The following REV3L variants were observed in gnomAD, a reference collection of about 807,000 sequenced individuals.
REV3L encodes DNA polymerase zeta catalytic subunit.
In REV3L, 69 loss-of-function variants were observed where a neutral mutation model predicts 299.4. The observed-to-expected ratio is 0.23, with a 90% confidence interval of 0.19 to 0.28. The LOEUF is 0.28. Among genes scored for constraint, REV3L ranks in the 10% least tolerant of loss-of-function variants. The pLI, the probability that REV3L is intolerant of heterozygous loss-of-function variation, is 1.00. For synonymous variants in REV3L, 1,238 were observed against 1,271.4 expected (o/e 0.97, Z 0.56); for missense variants, 3,128 against 3,693.8 (o/e 0.85, Z 3.97).
In REV3L at chr6:111,367,915, G is replaced by A. The variant is rs1399281659; in HGVS notation, c.5873C>T (p.Ala1958Val). ...GLRLWKTAFS[A>V]MTQNPRPGSP... Reference sequence around the variant, plus strand: ...CCCTGGCCTTGGATTCTGAGTCATTGCTGAGAATGCTGTTTTCCAAAGACG... The same window carrying A: ...CCCTGGCCTTGGATTCTGAGTCATTACTGAGAATGCTGTTTTCCAAAGACG... Residue 1958 changes from alanine (A) to valine (V), a missense_variant, in exon 14 of 32, where the codon GCA becomes GTA. Coordinates refer to ENST00000368802, the MANE Select transcript of REV3L (RefSeq NM_001372078.1). 4 of 1,613,974 alleles carry A rather than the reference G, an allele frequency of 2.5e-6. No homozygotes were observed. Among genetic ancestry groups the A allele is most frequent in the Non-Finnish European group, 3.4e-6 (4 of 1,180,014 alleles).
chr6:111,399,903 C>A (rs143179480), intron 4 of REV3L, among the ~76,000 whole-genome samples: 8 of 152,318 alleles, frequency 5.3e-5, no homozygotes, highest in Non-Finnish European at 1.2e-4. Flanking sequence ...TTCCCCTGTA[C>A]ATCCCCTTTG....
At chr6:111,431,197 A>G (rs1405420646) in intron 1 of REV3L, 2 of 1,566,558 alleles carry the variant, frequency 1.3e-6, no homozygotes, top group Non-Finnish European at 1.8e-6. Flanking sequence ...TCCATCTGTG[A>G]TGGCAGATAG....
intron 1 of REV3L, among the ~76,000 whole-genome samples, chr6:111,469,557 TG>T (rs1010756260): frequency 9.9e-5 from 15 of 152,194 alleles, no homozygotes; most frequent in African/African-American, 3.6e-4. Flanking sequence ...GAATTGGCCA[TG>T]TTGATCTGCT....
In REV3L at chr6:111,373,596, T is replaced by C. The variant is rs201728894; in HGVS notation, c.4759A>G (p.Arg1587Gly). 2 of 1,614,166 alleles carry C rather than the reference T, an allele frequency of 1.2e-6. No individual in the cohort carries two copies. The highest frequency in any genetic ancestry group is 2.2e-5 in the East Asian group (1 of 44,870). Residue 1587 changes from arginine to glycine, a missense_variant, in exon 13 of 32, where the codon AGA becomes GGA. Physicochemically the swap from Arg to Gly is moderately radical, Grantham distance 125 (BLOSUM62 -2). This residue lies in a region of REV3L where 2,409 missense variants were observed against 2,611.8 expected (regional missense o/e 0.92). Coordinates refer to ENST00000368802, the MANE Select transcript of REV3L (RefSeq NM_001372078.1). ...ATTTTTTCTTTTTGTTTTGTACTTCTGGGAGTTCGAGGTTTTCTTGGGGAC... is the reference window on the plus strand; with the variant it reads ...ATTTTTTCTTTTTGTTTTGTACTTCCGGGAGTTCGAGGTTTTCTTGGGGAC... The part of the protein sequence containing the change: ...VTSPRKPRTP[R>G]STKQKEKIPK...
chr6:111,407,313 C>A (rs749356110), intron 3 of REV3L, among the ~76,000 whole-genome samples: 3 of 151,858 alleles, frequency 2.0e-5, no homozygotes, highest in Non-Finnish European at 4.4e-5. Flanking sequence ...CCAAACAAAC[C>A]CATGGGAGTA....
intron 1 of REV3L, among the ~76,000 whole-genome samples, chr6:111,443,410 T>G (rs1355756871): frequency 6.6e-5 from 10 of 152,202 alleles, no homozygotes; most frequent in Admixed American, 3.9e-4. Flanking sequence ...CCATATCTAG[T>G]AATTTTTAAA....
chr6:111,312,897 T>TA (rs1394179666), intron 28 of REV3L: 2 of 152,566 alleles, frequency 1.3e-5, no homozygotes, highest in African/African-American at 4.8e-5. Flanking sequence ...CAGGAGTTGT[T>TA]ACACTATGAC....
At chr6:111,365,178 T>C (rs1186017626) in intron 15 of REV3L, 87 bp downstream of exon 15, 2 of 877,744 alleles carry the variant, frequency 2.3e-6, no homozygotes, top group Non-Finnish European at 3.3e-6. Context: ...AATTTTTTAA[T>C]TGAGACAAAG....
chr6:111,427,925 A>T (rs1032505770), intron 1 of REV3L, among the ~76,000 whole-genome samples: 2 of 152,092 alleles, frequency 1.3e-5, no homozygotes, highest in Non-Finnish European at 2.9e-5. Context: ...CAGCAGCACC[A>T]CACTGTTAAG....
At position 111,476,716 on chromosome 6, in the gene REV3L, T is replaced by A. The variant is rs183480399; in HGVS notation, c.139+6034A>T. Among the ~76,000 whole-genome samples, 351 of 152,318 alleles carry A rather than the reference T, an allele frequency of 2.3e-3. 2 individuals are homozygous for A. Among genetic ancestry groups the A allele is most frequent in the African/African-American group, 8.2e-3 (340 of 41,576 alleles). Reference sequence around the variant, plus strand: ...AAATTAAAACCACTTTACATACAAGTAAGAATAATACAACCAGAAATTACT... The same window carrying A: ...AAATTAAAACCACTTTACATACAAGAAAGAATAATACAACCAGAAATTACT... On this transcript the variant is annotated intron_variant, in intron 1 of 31. Coordinates refer to ENST00000368802, the MANE Select transcript of REV3L (RefSeq NM_001372078.1).
intron 22 of REV3L, 101 bp downstream of exon 22, chr6:111,335,368 G>T: frequency 1.6e-6 from 2 of 1,272,542 alleles, no homozygotes; most frequent in Non-Finnish European, 2.1e-6. Flanking sequence ...TTGATTAGTT[G>T]GTACCAAACA....
chr6:111,299,448 GCA>G lies in REV3L; in HGVS notation c.*566_*567del, dbSNP rs1771236800. 6.6e-6 allele frequency: 1 copy of G among 152,542 alleles called. No individual in the cohort carries two copies. Among genetic ancestry groups the G allele is most frequent in the East Asian group, 1.9e-4 (1 of 5,204 alleles). The allele number at this position is 152,542 out of a possible 1,614,324, so 9.4% of individuals were successfully genotyped here. ...AATGCTACACGTGGTACTACTGTTTGCACAGTTTGATCAAAATAACGATCTAC... is the reference window on the plus strand; with the variant it reads ...AATGCTACACGTGGTACTACTGTTTGCAGTTTGATCAAAATAACGATCTAC... On this transcript the variant is annotated 3_prime_UTR_variant, in exon 32 of 32. Transcript: ENST00000368802.
chr6:111,448,764 G>A (rs1022264420), intron 1 of REV3L, among the ~76,000 whole-genome samples: 13 of 150,094 alleles, frequency 8.7e-5, no homozygotes, highest in African/African-American at 2.9e-4. Context: ...GGGACTACAG[G>A]AGCACACCAC....
At chr6:111,340,913 T>C (rs1395866086) in intron 21 of REV3L, among the ~76,000 whole-genome samples, 1 of 151,948 alleles carries the variant, frequency 6.6e-6, no homozygotes, top group Non-Finnish European at 1.5e-5. Context: ...TCCTAGATAA[T>C]ACCTAATTAA....
intron 11 of REV3L, 87 bp from the exon 12 acceptor site, chr6:111,377,930 A>G (rs1780474741): frequency 9.6e-7 from 1 of 1,046,426 alleles, no homozygotes; most frequent in South Asian, 1.8e-5. Flanking sequence ...TAACTCTATA[A>G]TAATGTATCT....
chr6:111,367,389 G>A lies in REV3L; in HGVS notation c.6399C>T (p.Ser2133=), dbSNP rs780254089. 5.0e-6 allele frequency: 8 copies of A among 1,610,496 alleles called. No individual in the cohort carries two copies. The highest frequency in any genetic ancestry group is 6.8e-6 in the Non-Finnish European group (8 of 1,178,586). The change falls in exon 14 of 32, where the codon TCC becomes TCT. Residue 2133 remains serine, a synonymous_variant. Transcript: ENST00000368802. ...PVIPPWQQPI[S]PDSKALNGDD... is the part of the protein sequence containing the mutation. The stretch of plus-strand genomic sequence containing the variant: ...CTCCATTTAATGCTTTGGAATCTGG[G>A]GATATTGGTTGTTGCCAAGGGGGAA...
At chr6:111,440,230 C>T (rs577604919) in intron 1 of REV3L, among the ~76,000 whole-genome samples, 277 of 152,158 alleles carry the variant, frequency 1.8e-3, no homozygotes, top group African/African-American at 5.7e-3. Flanking sequence ...CCACCATGCC[C>T]GGCTAATTTT....
chr6:111,375,887 G>A lies in REV3L; in HGVS notation c.2468C>T (p.Pro823Leu), dbSNP rs138947798. ...KLSPVTYKLQ[P>L]GNKPSRLKLN... ...TTTTAACCGGGATGGTTTATTGCCA[G>A]GTTGTAATTTATATGTGACAGGAGA... Residue 823 changes from proline to leucine, a missense_variant, in exon 13 of 32, where the codon CCT becomes CTT. Transcript: ENST00000368802. The A allele has an allele frequency of 1.2e-4, 186 of 1,613,962 alleles. 1 individual carries two copies. In the African/African-American group the frequency reaches 2.1e-3, roughly 18 times the overall value.
intron 1 of REV3L, among the ~76,000 whole-genome samples, chr6:111,433,404 A>C (rs779877428): frequency 4.6e-4 from 70 of 152,320 alleles, no homozygotes; most frequent in Middle Eastern, 3.4e-3. Context: ...TATTATGAAG[A>C]GGCTAATATA....
Sources: allele counts gnomAD v4.1 joint callset (sites outside exome capture counted in the v4.1 genomes callset), GRCh38; gene constraint gnomAD v4.1.1; regional missense constraint gnomAD v4.1.1; transcripts MANE v1.5; gene names NCBI Gene and HGNC (gene_info 2026-07-23, HGNC 2026-07-21).